Variants in RPF1 observed in about 807,000 individuals in gnomAD.
RPF1 encodes ribosome production factor 1.
A neutral mutation model predicts 41.9 loss-of-function variants in RPF1; 34 were observed. The observed-to-expected ratio is 0.81, with a 90% confidence interval of 0.62 to 1.08. The LOEUF (loss-of-function observed/expected upper bound fraction) is 1.08. Ranked by LOEUF, RPF1 falls within the 50% of genes least tolerant of loss-of-function variation. The pLI is 0.00. For missense variants in RPF1, 425 were observed against 435.2 expected (o/e 0.98, Z 0.21); for synonymous variants, 140 against 148.9 (o/e 0.94, Z 0.43).
At chr1:84,492,534 T>C (rs755838247) in intron 5 of RPF1, among the ~76,000 whole-genome samples, 2 of 152,210 alleles carry the variant, frequency 1.3e-5, no homozygotes, top group South Asian at 4.1e-4. Flanking sequence ...TCCTCGTTTT[T>C]TAAATGTGGG....
rs1260948888 is a variant in RPF1, at chr1:84,497,590, C to G, written c.*120C>G. 1.6e-6 allele frequency: 1 copy of G among 614,732 alleles called. No individual in the cohort carries two copies. Among genetic ancestry groups the G allele is most frequent in the East Asian group, 3.2e-5 (1 of 31,662 alleles). The allele number at this position is 614,732 out of a possible 1,614,324, so 38.1% of individuals were successfully genotyped here. A position where few individuals can be genotyped will look rare whatever the true frequency, so the allele number is the denominator to read the frequency against. ...TGCTGATTTCATAAACCTTTCACGT[C>G]TGGACGAATTACCAAATGCCATGAA... On this transcript the variant is annotated 3_prime_UTR_variant, in exon 9 of 9. Coordinates refer to ENST00000370654, the MANE Select transcript of RPF1 (RefSeq NM_025065.7).
At chr1:84,479,582 T>C in intron 1 of RPF1, 73 bp downstream of exon 1, 2 of 1,366,820 alleles carry the variant, frequency 1.5e-6, no homozygotes, top group Admixed American at 2.0e-5. Context: ...GGGGCGCACA[T>C]CTGTGGTTGT....
At chr1:84,483,017 T>A in intron 3 of RPF1, 22 bp downstream of exon 3, 1 of 1,365,346 alleles carries the variant, frequency 7.3e-7, no homozygotes, top group Non-Finnish European at 1.0e-6. Flanking sequence ...AGTCTTAAAT[T>A]AGTTTGAATG....
At chr1:84,495,795 T>C (rs970890891) in intron 6 of RPF1, 87 bp from the exon 7 acceptor site, 2 of 866,022 alleles carry the variant, frequency 2.3e-6, no homozygotes, top group South Asian at 2.0e-5. Flanking sequence ...AAATTTGTCA[T>C]GTAAATTTTG....
intron 3 of RPF1, among the ~76,000 whole-genome samples, chr1:84,486,064 A>G (rs1395991151): frequency 6.6e-6 from 1 of 152,160 alleles, no homozygotes; most frequent in Non-Finnish European, 1.5e-5. Flanking sequence ...AGAGCCCCAG[A>G]ATGAGAGAAC....
intron 5 of RPF1, among the ~76,000 whole-genome samples, chr1:84,493,697 A>G (rs997341678): frequency 2.0e-5 from 3 of 152,258 alleles, no homozygotes; most frequent in African/African-American, 7.2e-5. Context: ...CTGTGGTAGC[A>G]GAACTGAGAA....
In RPF1 at chr1:84,494,857, C is replaced by T. The variant is rs774811812; in HGVS notation, c.617-516C>T. On this transcript the variant is annotated intron_variant, in intron 5 of 8. Coordinates refer to ENST00000370654, the MANE Select transcript of RPF1 (RefSeq NM_025065.7). Reference sequence around the variant, plus strand: ...GTAAGGGGTGATCTCTTGCAAAATACTAATAACCTTAATTTCATAGAGGAA... The same window carrying T: ...GTAAGGGGTGATCTCTTGCAAAATATTAATAACCTTAATTTCATAGAGGAA... 8.6e-4 allele frequency among the ~76,000 whole-genome samples: 131 copies of T among 152,176 alleles called. 1 individual carries two copies. Among genetic ancestry groups the T allele is most frequent in the Admixed American group, 3.3e-4 (5 of 15,278 alleles).
intron 4 of RPF1, 56 bp from the exon 5 acceptor site, chr1:84,490,263 A>G (rs1248897071): frequency 3.3e-6 from 4 of 1,206,494 alleles, no homozygotes; most frequent in South Asian, 1.8e-5. Context: ...TGTACCACAT[A>G]AGATTTTTAT....
At chr1:84,486,029 G>A (rs1180091821) in intron 3 of RPF1, among the ~76,000 whole-genome samples, 1 of 152,098 alleles carries the variant, frequency 6.6e-6, no homozygotes, top group African/African-American at 2.4e-5. Context: ...AAGGATGTGA[G>A]GAAATTAGCC....
rs1004506258 is a variant in RPF1, at chr1:84,490,654, C to T, written c.616+182C>T. ...TCCTTTGTATTCACCAAACATTTAT[C>T]AGGCACATGCTACAGCCAAGAGATT... On this transcript the variant is annotated intron_variant, in intron 5 of 8. Transcript: ENST00000370654. Among the ~76,000 whole-genome samples the T allele has an allele frequency of 3.3e-5, 5 of 152,158 alleles. No homozygotes were observed. The South Asian group carries it at 1.0e-3, about 31-fold the overall frequency.
chr1:84,495,925 T>C lies in RPF1; in HGVS notation c.743T>C (p.Leu248Pro). Residue 248 changes from leucine to proline, a missense_variant, in exon 7 of 9, where the codon CTG (leucine) becomes CCG (proline). Leu to Pro is a moderately conservative substitution (Grantham distance 98). Transcript: ENST00000370654. ...DPTEHIPEIILNNFTTRLGHS... is the reference protein window; with the variant it reads ...DPTEHIPEIIPNNFTTRLGHS... ...ACAGAACACATACCTGAAATAATTCTGAATAATTTTACAACACGGCTGGGT... is the reference window on the plus strand; with the variant it reads ...ACAGAACACATACCTGAAATAATTCCGAATAATTTTACAACACGGCTGGGT... 6.2e-7 allele frequency: 1 copy of C among 1,610,814 alleles called. No individual in the cohort carries two copies. The highest frequency in any genetic ancestry group is 8.5e-7 in the Non-Finnish European group (1 of 1,177,438).
At chr1:84,490,243 C>T in intron 4 of RPF1, 76 bp from the exon 5 acceptor site, 3 of 928,776 alleles carry the variant, frequency 3.2e-6, no homozygotes, top group Admixed American at 3.0e-5. Flanking sequence ...TATTTCTTTC[C>T]TTATGAATAT....
intron 3 of RPF1, among the ~76,000 whole-genome samples, chr1:84,486,564 G>A (rs866463229): frequency 8.4e-5 from 12 of 143,078 alleles, no homozygotes; most frequent in Middle Eastern, 8.1e-3. Flanking sequence ...CTCCAGCATG[G>A]GCGACAGAGC....
intron 3 of RPF1, among the ~76,000 whole-genome samples, chr1:84,486,461 AC>A (rs1415029903): frequency 1.3e-5 from 2 of 151,724 alleles, no homozygotes; most frequent in Non-Finnish European, 2.9e-5. Context: ...GGTGGCGGGC[AC>A]CTGTAGTCCC....
chr1:84,489,891 A>G (rs1681801910), intron 4 of RPF1, among the ~76,000 whole-genome samples, 163 bp downstream of exon 4: 1 of 152,210 alleles, frequency 6.6e-6, no homozygotes, highest in Non-Finnish European at 1.5e-5. Context: ...AGGTTTACTA[A>G]ACATGATTCT....
At chr1:84,489,246 C>T (rs1051784008) in intron 3 of RPF1, among the ~76,000 whole-genome samples, 5 of 151,984 alleles carry the variant, frequency 3.3e-5, no homozygotes, top group African/African-American at 1.2e-4. Context: ...CTGAGTGTCT[C>T]TCAATGGAAG....
At chr1:84,493,784 G>T (rs1681881147) in intron 5 of RPF1, among the ~76,000 whole-genome samples, 1 of 152,106 alleles carries the variant, frequency 6.6e-6, no homozygotes, top group South Asian at 2.1e-4. Flanking sequence ...AACGTTGCAG[G>T]TATTCAAAAT....
intron 3 of RPF1, among the ~76,000 whole-genome samples, chr1:84,489,052 A>G (rs1005382099): frequency 1.3e-5 from 2 of 151,686 alleles, no homozygotes; most frequent in African/African-American, 4.8e-5. Flanking sequence ...TTTCTAATTC[A>G]TTTATATCTC....
At chr1:84,490,598 A>C (rs958561573) in intron 5 of RPF1, 126 bp downstream of exon 5, 1 of 678,992 alleles carries the variant, frequency 1.5e-6, no homozygotes, top group Non-Finnish European at 2.3e-6. Context: ...AGAAAATTGT[A>C]TCTCTTTCCA....
Sources: allele counts gnomAD v4.1 joint callset (sites outside exome capture counted in the v4.1 genomes callset), GRCh38; gene constraint gnomAD v4.1.1; transcripts MANE v1.5; gene names NCBI Gene and HGNC (gene_info 2026-07-23, HGNC 2026-07-21).